The following ANGPT1 variants were observed in gnomAD, a reference collection of about 807,000 sequenced individuals.
ANGPT1 encodes angiopoietin 1.
Under a neutral mutation model 62.2 loss-of-function variants are expected in ANGPT1, and 17 were observed. That is an observed-to-expected ratio of 0.27 (90% CI 0.19 to 0.41). The LOEUF is 0.41. Among genes scored for constraint, ANGPT1 ranks in the 10% least tolerant of loss-of-function variants. The probability of loss-of-function intolerance (pLI) is 1.00; values close to 1 mark genes in which losing one functional copy is unlikely to be tolerated. For missense variants in ANGPT1, 478 were observed against 594.9 expected, an observed-to-expected ratio of 0.80 and a Z score of 2.04; for synonymous variants, 199 against 198.9, an observed-to-expected ratio of 1.00 and a Z score of 0.00.
chr8:107,335,696 C>T (rs1815542159), intron 3 of ANGPT1, among the ~76,000 whole-genome samples: 1 of 152,102 alleles, frequency 6.6e-6, no homozygotes, highest in East Asian at 1.9e-4. Flanking sequence ...TATACATTTT[C>T]CTTCTCTCTA....
intron 7 of ANGPT1, among the ~76,000 whole-genome samples, chr8:107,280,465 T>G (rs931123270): frequency 6.6e-6 from 1 of 152,176 alleles, no homozygotes; most frequent in Non-Finnish European, 1.5e-5. Flanking sequence ...GCTTTAGTAT[T>G]GAAGGAGGCA....
At chr8:107,333,037 A>G (rs1815460307) in intron 3 of ANGPT1, among the ~76,000 whole-genome samples, 1 of 152,228 alleles carries the variant, frequency 6.6e-6, no homozygotes, top group Admixed American at 6.5e-5. Flanking sequence ...TGCAATATAA[A>G]TTGCCTGGCA....
chr8:107,322,926 G>A (rs1417348639), intron 3 of ANGPT1, among the ~76,000 whole-genome samples: 1 of 152,100 alleles, frequency 6.6e-6, no homozygotes, highest in Non-Finnish European at 1.5e-5. Flanking sequence ...TTGATAACTG[G>A]TCCTGTATCA....
chr8:107,370,407 A>AGAAAGAAAGAAAGAAAGAAAGGAAGGAAG (rs149930759), intron 1 of ANGPT1, among the ~76,000 whole-genome samples: 1 of 71,940 alleles, frequency 1.4e-5, no homozygotes, highest in Non-Finnish European at 3.0e-5. Context: ...AAAGAAAGAA[A>AGAAAGAAAGAAAGAAAGAAAGGAAGGAAG]GAGTCAGGGT....
chr8:107,263,130 G>T (rs1813532320), intron 8 of ANGPT1, among the ~76,000 whole-genome samples: 1 of 151,976 alleles, frequency 6.6e-6, no homozygotes, highest in Admixed American at 6.6e-5. Flanking sequence ...AAGGTGGGCG[G>T]ATCACTTGAG....
In ANGPT1 at chr8:107,251,934, C is replaced by T; in HGVS notation, c.1418G>A (p.Gly473Glu). ...CCCTTTGAAGTAGTGCCACTTTATC[C>T]CATTCAGTTTTCCATGGTTTTGTCC... ...TAGQNHGKLNGIKWHYFKGPS... is the reference protein window; with the variant it reads ...TAGQNHGKLNEIKWHYFKGPS... The change falls in exon 9 of 9, where the codon GGG (glycine) becomes GAG (glutamate). Residue 473 changes from glycine (G) to glutamate (E), a missense_variant. By Grantham distance (98) the Gly-to-Glu change is moderately conservative. This residue lies in a region of ANGPT1 where 35 missense variants were observed against 49.6 expected (regional missense o/e 0.71). Coordinates refer to ENST00000517746, the MANE Select transcript of ANGPT1 (RefSeq NM_001146.5). 6.2e-7 allele frequency: 1 copy of T among 1,613,858 alleles called. No individual in the cohort carries two copies. Among genetic ancestry groups the T allele is most frequent in the Non-Finnish European group, 8.5e-7 (1 of 1,179,868 alleles).
rs151217810 is a variant in ANGPT1 at position 107,264,294 on chromosome 8, G to A, written c.1263C>T (p.His421=). 75 of 1,613,762 alleles carry A rather than the reference G, an allele frequency of 4.6e-5. No homozygotes were observed. The highest frequency in any genetic ancestry group is 4.5e-4 in the African/African-American group (34 of 74,890). Residue 421 remains histidine, a synonymous_variant, in exon 8 of 9, where the codon CAC becomes CAT. Transcript: ENST00000517746. The part of the protein sequence containing the change: ...TAGKQSSLIL[H]GADFSTKDAD... ...CATCTTTAGTGCTGAAATCAGCACC[G>A]TGTAAGATCAGGCTGCTCTGTTTTC...
intron 1 of ANGPT1, among the ~76,000 whole-genome samples, chr8:107,422,205 A>G (rs2130381827): frequency 6.6e-6 from 1 of 152,318 alleles, no homozygotes; most frequent in East Asian, 1.9e-4. Context: ...TAATTACAGG[A>G]ACTGCTACAA....
chr8:107,255,115 A>G (rs1410394183), intron 8 of ANGPT1, among the ~76,000 whole-genome samples: 3 of 152,202 alleles, frequency 2.0e-5, no homozygotes, highest in East Asian at 1.9e-4. Context: ...GTAGGAGACA[A>G]ACAAAATGCT....
At chr8:107,403,360 A>G (rs1817083836) in intron 1 of ANGPT1, among the ~76,000 whole-genome samples, 1 of 152,160 alleles carries the variant, frequency 6.6e-6, no homozygotes, top group African/African-American at 2.4e-5. Context: ...TTAGCTGCAA[A>G]GAAAACTGAG....
At chr8:107,329,826 A>T (rs144906356) in intron 3 of ANGPT1, among the ~76,000 whole-genome samples, 1,719 of 152,176 alleles carry the variant, frequency 0.011, 22 homozygotes, top group Middle Eastern at 0.02. Context: ...GAGCAGGAAG[A>T]CAATGAAAAT....
chr8:107,476,379 G>A (rs573228552), intron 1 of ANGPT1, among the ~76,000 whole-genome samples: 2 of 152,176 alleles, frequency 1.3e-5, no homozygotes, highest in East Asian at 3.9e-4. Context: ...GGTGGGAAAT[G>A]AACAATGAGA....
At chr8:107,394,354 G>A (rs1452255389) in intron 1 of ANGPT1, among the ~76,000 whole-genome samples, 1 of 152,146 alleles carries the variant, frequency 6.6e-6, no homozygotes, top group Admixed American at 6.5e-5. Flanking sequence ...GAGACCAGAG[G>A]TAAGAGGCAA....
intron 1 of ANGPT1, among the ~76,000 whole-genome samples, chr8:107,367,817 G>A (rs1044764363): frequency 6.6e-6 from 1 of 152,204 alleles, no homozygotes; most frequent in African/African-American, 2.4e-5. Context: ...TCAGGAGATT[G>A]CAGCAGTTCA....
chr8:107,284,886 G>A, intron 6 of ANGPT1, 38 bp from the exon 7 acceptor site: 1 of 1,406,006 alleles, frequency 7.1e-7, no homozygotes, highest in Middle Eastern at 1.9e-4. Context: ...TTACTTTAGA[G>A]AGGAATTCTT....
rs779730551 is a variant in ANGPT1 at position 107,336,208 on chromosome 8, G to A, written c.517C>T (p.Leu173=). Residue 173 remains leucine, a synonymous_variant, in exon 3 of 9, where the codon CTA becomes TTA. Coordinates refer to ENST00000517746, the MANE Select transcript of ANGPT1 (RefSeq NM_001146.5). ...GTCTGTTGAAGAAGTTGCTTCTCTA[G>A]CTTGTAGGTGGATAATGAATTCTCC... ...LLENSLSTYK[L]EKQLLQQTNE... is the part of the protein sequence containing the mutation. 52 of 1,609,514 alleles carry A rather than the reference G, an allele frequency of 3.2e-5. 1 individual carries two copies. The highest frequency in any genetic ancestry group is 4.2e-5 in the Non-Finnish European group (50 of 1,178,548).
At chr8:107,448,379 T>G (rs1811673220) in intron 1 of ANGPT1, among the ~76,000 whole-genome samples, 1 of 152,204 alleles carries the variant, frequency 6.6e-6, no homozygotes, top group African/African-American at 2.4e-5. Context: ...TTCGATTAAT[T>G]CATTTCTTCC....
chr8:107,292,694 T>C (rs1261814630), intron 6 of ANGPT1, among the ~76,000 whole-genome samples: 1 of 152,184 alleles, frequency 6.6e-6, no homozygotes, highest in African/African-American at 2.4e-5. Flanking sequence ...CGACTGAGTA[T>C]CTGATAAAAA....
intron 7 of ANGPT1, among the ~76,000 whole-genome samples, chr8:107,280,877 G>T (rs1397079084): frequency 2.0e-5 from 3 of 152,140 alleles, no homozygotes; most frequent in Non-Finnish European, 2.9e-5. Flanking sequence ...ATGAGAGTAT[G>T]AAGACTAAAG....
Sources: gnomAD v4.1 joint callset for allele counts (sites outside exome capture counted in the v4.1 genomes callset) on GRCh38, gnomAD v4.1.1 for gene constraint, gnomAD v4.1.1 regional missense constraint, MANE v1.5 for transcripts, NCBI Gene and HGNC (gene_info 2026-07-23, HGNC 2026-07-21) for gene names.